DOCK3: variants seen among roughly 807,000 people sequenced by gnomAD.
DOCK3 encodes the protein dedicator of cytokinesis protein 3.
In DOCK3, 60 loss-of-function variants were observed where a neutral mutation model predicts 265.6. The observed-to-expected ratio is 0.23, with a 90% CI of 0.18 to 0.28. The LOEUF is 0.28. Ranked by LOEUF, DOCK3 falls within the 10% of genes least tolerant of loss-of-function variation. The pLI, the probability that DOCK3 is intolerant of heterozygous loss-of-function variation, is 1.00. For synonymous variants in DOCK3, 881 were observed against 938.0 expected, an observed-to-expected ratio of 0.94 and a Z score of 1.11; for missense variants, 1,981 against 2,594.3, an observed-to-expected ratio of 0.76 and a Z score of 5.14.
intron 22 of DOCK3, among the ~76,000 whole-genome samples, chr3:51,249,939 C>A (rs1006652223): frequency 1.3e-5 from 2 of 151,338 alleles, no homozygotes; most frequent in African/African-American, 4.9e-5. Flanking sequence ...AAGAAAAATT[C>A]TTCTGCCTTG....
intron 2 of DOCK3, among the ~76,000 whole-genome samples, chr3:50,800,408 G>A (rs1342647160): frequency 6.6e-6 from 1 of 151,892 alleles, no homozygotes; most frequent in Non-Finnish European, 1.5e-5. Context: ...TTTCTTCTTA[G>A]TTTACTTTTG....
chr3:51,129,607 G>A (rs1009707518), intron 9 of DOCK3, among the ~76,000 whole-genome samples: 2 of 152,152 alleles, frequency 1.3e-5, no homozygotes, highest in Admixed American at 6.5e-5. Context: ...CATTGAGGTC[G>A]CATGGTGACT....
intron 21 of DOCK3, among the ~76,000 whole-genome samples, chr3:51,243,880 G>T (rs2078715092): frequency 6.6e-6 from 1 of 152,066 alleles, no homozygotes; most frequent in African/African-American, 2.4e-5. Context: ...TTTGTATATT[G>T]TATAAGATAA....
chr3:50,880,353 A>C (rs1559760879), intron 3 of DOCK3, among the ~76,000 whole-genome samples: 1 of 152,154 alleles, frequency 6.6e-6, no homozygotes, highest in Non-Finnish European at 1.5e-5. Flanking sequence ...TTTTTTGAAA[A>C]GATGAACGAA....
intron 10 of DOCK3, among the ~76,000 whole-genome samples, chr3:51,148,931 G>A (rs950191194): frequency 1.1e-4 from 17 of 152,134 alleles, no homozygotes; most frequent in Non-Finnish European, 1.9e-4. Flanking sequence ...AATTACCTTG[G>A]GCAATACGGC....
rs781941143 is a variant in DOCK3, at chr3:51,380,216, C to T, written c.5583+9C>T. 6.6e-7 allele frequency: 1 copy of T among 1,518,228 alleles called. No individual in the cohort carries two copies. The highest frequency in any genetic ancestry group is 9.0e-7 in the Non-Finnish European group (1 of 1,110,762). 94.0% of individuals were successfully genotyped at this position (1,518,228 alleles called of 1,614,324 possible). On this transcript the variant is annotated intron_variant, in intron 52 of 52. Transcript: ENST00000266037. ...CCCGGACCCTGCGCAAGGTAATGTA[C>T]TGAAGCGGCAGCCCCACCAGGCTGT...
At chr3:50,871,895 G>A (rs1004543279) in intron 3 of DOCK3, among the ~76,000 whole-genome samples, 10 of 151,948 alleles carry the variant, frequency 6.6e-5, no homozygotes, top group African/African-American at 2.4e-4. Flanking sequence ...AAATTATTTC[G>A]ATCTCTTTGC....
chr3:51,059,012 G>C (rs561944244), intron 5 of DOCK3, among the ~76,000 whole-genome samples: 1 of 152,138 alleles, frequency 6.6e-6, no homozygotes, highest in South Asian at 2.1e-4. Flanking sequence ...TTTGAGATGT[G>C]AATAATCCCC....
chr3:51,205,738 G>A (rs981457690), intron 12 of DOCK3, among the ~76,000 whole-genome samples: 1 of 152,080 alleles, frequency 6.6e-6, no homozygotes, highest in Non-Finnish European at 1.5e-5. Context: ...AGAATTCATT[G>A]TTAACAGCAT....
chr3:51,259,166 GAC>G (rs1301680492), intron 22 of DOCK3, among the ~76,000 whole-genome samples: 1 of 152,184 alleles, frequency 6.6e-6, no homozygotes, highest in African/African-American at 2.4e-5. Flanking sequence ...AGCCCTGTAA[GAC>G]ACATTTTTCT....
intron 1 of DOCK3, among the ~76,000 whole-genome samples, chr3:50,716,363 T>TA (rs1170005822): frequency 6.6e-6 from 1 of 151,790 alleles, no homozygotes; most frequent in Non-Finnish European, 1.5e-5. Context: ...CCATCTCTAC[T>TA]AAAAAATACA....
chr3:51,027,419 A>G (rs2079867286), intron 5 of DOCK3, among the ~76,000 whole-genome samples: 1 of 151,964 alleles, frequency 6.6e-6, no homozygotes, highest in African/African-American at 2.4e-5. Context: ...AGCAAACTGT[A>G]TTCTGTGGAT....
intron 14 of DOCK3, among the ~76,000 whole-genome samples, chr3:51,224,175 A>G (rs753334521): frequency 1.3e-4 from 20 of 152,238 alleles, no homozygotes; most frequent in Non-Finnish European, 2.1e-4. Flanking sequence ...CATTAGGGAA[A>G]GTTCTTAGGG....
intron 4 of DOCK3, chr3:50,900,873 G>C (rs185378421): frequency 2.4e-6 from 1 of 423,414 alleles, no homozygotes; most frequent in East Asian, 7.6e-5. Flanking sequence ...GCACCCACCA[G>C]ATGCCAGCCA....
chr3:50,864,881 G>A (rs2675822), intron 3 of DOCK3, among the ~76,000 whole-genome samples: 15,079 of 151,638 alleles, frequency 0.099, 928 homozygotes, highest in Non-Finnish European at 0.13. Context: ...ATTATGATGC[G>A]TCCAGGCTTG....
At chr3:50,930,811 C>T (rs2051023112) in intron 4 of DOCK3, among the ~76,000 whole-genome samples, 1 of 152,208 alleles carries the variant, frequency 6.6e-6, no homozygotes, top group Non-Finnish European at 1.5e-5. Context: ...GGCCCAGGAA[C>T]CCAGTGCTGT....
chr3:50,769,641 T>C (rs1262765938), intron 1 of DOCK3, among the ~76,000 whole-genome samples: 1 of 151,708 alleles, frequency 6.6e-6, no homozygotes, highest in African/African-American at 2.4e-5. Flanking sequence ...TGAAACCCTG[T>C]CTCTACTAAA....
At chr3:50,895,204 C>CTT (rs34645584) in intron 4 of DOCK3, among the ~76,000 whole-genome samples, 10 of 121,970 alleles carry the variant, frequency 8.2e-5, no homozygotes, top group South Asian at 2.7e-4. Context: ...TTTATCCCCG[C>CTT]TTTTTTTTTT....
chr3:50,883,014 A>G (rs564164444), intron 3 of DOCK3, among the ~76,000 whole-genome samples: 1 of 152,166 alleles, frequency 6.6e-6, no homozygotes, highest in Non-Finnish European at 1.5e-5. Context: ...AACTATTGCA[A>G]GGACAGAAAA....
Sources: allele counts gnomAD v4.1 joint callset (sites outside exome capture counted in the v4.1 genomes callset), GRCh38; gene constraint gnomAD v4.1.1; transcripts MANE v1.5; gene names NCBI Gene and HGNC (gene_info 2026-07-23, HGNC 2026-07-21).